The following KSR2 variants were observed in gnomAD, a reference collection of about 807,000 sequenced individuals.
The protein encoded by KSR2 is kinase suppressor of ras 2.
A neutral mutation model predicts 107.8 loss-of-function variants in KSR2; 25 were observed. That is an observed-to-expected ratio of 0.23 (90% CI 0.17 to 0.32). KSR2 has a LOEUF of 0.32. Among genes scored for constraint, KSR2 ranks in the 10% least tolerant of loss-of-function variants. KSR2 has a pLI of 1.00. For synonymous variants in KSR2, 480 were observed against 507.0 expected (o/e 0.95, Z 0.71); for missense variants, 887 against 1,268.9 (o/e 0.70, Z 4.57).
At chr12:117,948,489 CAA>C (rs1180417915) in intron 1 of KSR2, among the ~76,000 whole-genome samples, 6 of 90,370 alleles carry the variant, frequency 6.6e-5, no homozygotes, top group Non-Finnish European at 4.7e-5. Context: ...GACTCCGTCT[CAA>C]AAAAAAAAAA....
chr12:117,774,277 C>G (rs985960280), intron 3 of KSR2, among the ~76,000 whole-genome samples: 1 of 152,130 alleles, frequency 6.6e-6, no homozygotes, highest in Non-Finnish European at 1.5e-5. Context: ...TTTTGAGTTT[C>G]GAGTTTGTCA....
chr12:117,658,452 T>C (rs1036122605), intron 5 of KSR2, among the ~76,000 whole-genome samples: 39 of 152,192 alleles, frequency 2.6e-4, no homozygotes, highest in African/African-American at 8.7e-4. Flanking sequence ...CGCCTGCTAT[T>C]GTAAGTCAAG....
At chr12:117,954,650 C>T (rs1218258199) in intron 1 of KSR2, among the ~76,000 whole-genome samples, 2 of 152,200 alleles carry the variant, frequency 1.3e-5, no homozygotes, top group East Asian at 1.9e-4. Context: ...CCACACAGGG[C>T]TCAAGTACCC....
At chr12:117,661,978 T>C (rs1331859729) in intron 5 of KSR2, among the ~76,000 whole-genome samples, 1 of 152,182 alleles carries the variant, frequency 6.6e-6, no homozygotes, top group Non-Finnish European at 1.5e-5. Flanking sequence ...GCAAATCATC[T>C]ACATCCTGCC....
chr12:117,678,241 C>T (rs35636967), intron 4 of KSR2, among the ~76,000 whole-genome samples: 2 of 151,978 alleles, frequency 1.3e-5, no homozygotes, highest in African/African-American at 2.4e-5. Context: ...TGAGCCACCG[C>T]ACCGGGCCAG....
intron 5 of KSR2, among the ~76,000 whole-genome samples, chr12:117,611,519 C>T (rs10850859): frequency 0.41 from 62,687 of 151,346 alleles, 14,238 homozygotes; most frequent in South Asian, 0.68. Flanking sequence ...GTGGATGGGA[C>T]GTAGCATGGT....
chr12:117,914,426 CAAA>C (rs34534591), intron 1 of KSR2, among the ~76,000 whole-genome samples: 14 of 106,332 alleles, frequency 1.3e-4, no homozygotes, highest in Non-Finnish European at 1.6e-4. Flanking sequence ...GAGACTGTCT[CAAA>C]AAAAAAAAAA....
chr12:117,469,664 T>C lies in KSR2; in HGVS notation c.2844A>G (p.Ala948=). 1 of 1,612,362 alleles carries C rather than the reference T, an allele frequency of 6.2e-7. No homozygotes were observed. Among genetic ancestry groups the C allele is most frequent in the Non-Finnish European group, 8.5e-7 (1 of 1,179,232 alleles). ...AGACATTAAGGGAGAAAACCTACTC[T>C]GCAGACTTCCAGAAATGTCCAGGGT... ...LSHPGHFWKS[A]EL is the part of the protein sequence containing the mutation. Residue 948 remains alanine (A), a splice_region_variant and synonymous_variant, in exon 19 of 20, where the codon GCA becomes GCG. Coordinates refer to ENST00000339824, the MANE Select transcript of KSR2 (RefSeq NM_173598.6).
At chr12:117,723,212 G>A (rs541724815) in intron 4 of KSR2, among the ~76,000 whole-genome samples, 24 of 152,320 alleles carry the variant, frequency 1.6e-4, no homozygotes, top group African/African-American at 5.3e-4. Context: ...TCTGCTTTAA[G>A]CTCTTCCAGC....
chr12:117,729,677 C>T (rs147395323), intron 4 of KSR2, among the ~76,000 whole-genome samples: 26 of 152,218 alleles, frequency 1.7e-4, no homozygotes, highest in African/African-American at 6.3e-4. Flanking sequence ...ACCATGCATC[C>T]ATCCATCCAC....
chr12:117,933,870 G>A (rs1036594842), intron 1 of KSR2, among the ~76,000 whole-genome samples: 2 of 152,106 alleles, frequency 1.3e-5, no homozygotes, highest in African/African-American at 4.8e-5. Context: ...ACCCAGCACC[G>A]TGCTCCAGTT....
At chr12:117,713,792 G>A (rs1012689820) in intron 4 of KSR2, among the ~76,000 whole-genome samples, 5 of 152,152 alleles carry the variant, frequency 3.3e-5, no homozygotes, top group Non-Finnish European at 7.3e-5. Context: ...AGTGAGAGGT[G>A]AGGTGGACCC....
intron 5 of KSR2, among the ~76,000 whole-genome samples, chr12:117,637,675 G>GTTTTTTTTTTTTTTTTTTTTTTT (rs56169273): frequency 1.1e-5 from 1 of 92,086 alleles, no homozygotes. Context: ...TCAGTTTTGG[G>GTTTTTTTTTTTTTTTTTTTTTTT]TTTTTTTTTT....
intron 5 of KSR2, among the ~76,000 whole-genome samples, chr12:117,595,854 C>T (rs904527946): frequency 3.3e-5 from 5 of 152,170 alleles, no homozygotes; most frequent in Non-Finnish European, 7.3e-5. Flanking sequence ...ACTACCGTTC[C>T]AATGTCCCAC....
At chr12:117,910,657 A>C (rs950754608) in intron 1 of KSR2, among the ~76,000 whole-genome samples, 1 of 152,228 alleles carries the variant, frequency 6.6e-6, no homozygotes, top group Non-Finnish European at 1.5e-5. Flanking sequence ...TTGGAATAGC[A>C]GGGCCAGGCA....
chr12:117,854,204 G>A (rs1027218506), intron 3 of KSR2, among the ~76,000 whole-genome samples: 2 of 151,580 alleles, frequency 1.3e-5, no homozygotes, highest in Non-Finnish European at 2.9e-5. Flanking sequence ...ACGGGGTTTC[G>A]CCATGTTGCC....
intron 8 of KSR2, among the ~76,000 whole-genome samples, chr12:117,555,981 T>C (rs1010379626): frequency 6.6e-6 from 1 of 152,110 alleles, no homozygotes; most frequent in Admixed American, 6.5e-5. Flanking sequence ...GTTGTTGTTG[T>C]TTTATTGCAG....
intron 5 of KSR2, among the ~76,000 whole-genome samples, chr12:117,656,333 G>C (rs1032227846): frequency 2.0e-5 from 3 of 152,230 alleles, no homozygotes; most frequent in Non-Finnish European, 4.4e-5. Context: ...GTTGTGGCCA[G>C]GCATGGTGGC....
At chr12:117,766,677 G>C (rs1889240734) in intron 3 of KSR2, among the ~76,000 whole-genome samples, 1 of 152,162 alleles carries the variant, frequency 6.6e-6, no homozygotes, top group African/African-American at 2.4e-5. Flanking sequence ...GGTGGGGGTG[G>C]GTAGGAGAAG....
Sources: gnomAD v4.1 joint callset for allele counts (sites outside exome capture counted in the v4.1 genomes callset) on GRCh38, gnomAD v4.1.1 for gene constraint, MANE v1.5 for transcripts, NCBI Gene and HGNC (gene_info 2026-07-23, HGNC 2026-07-21) for gene names.